The following GTF3C3 variants were observed in gnomAD, a reference collection of about 807,000 sequenced individuals.
GTF3C3 encodes general transcription factor 3C polypeptide 3.
GTF3C3 carries 75 observed loss-of-function variants against 105.2 expected under a neutral mutation model. The observed-to-expected ratio is 0.71, with a 90% confidence interval of 0.59 to 0.86. The LOEUF is 0.86. GTF3C3 is among the 40% of genes least tolerant of loss of function. GTF3C3 has a pLI of 0.00. For missense variants in GTF3C3, 856 were observed against 1,076.5 expected, an observed-to-expected ratio of 0.80 and a Z score of 2.87; for synonymous variants, 335 against 370.4, an observed-to-expected ratio of 0.90 and a Z score of 1.10.
In GTF3C3 at chr2:196,766,429, A is replaced by G. The variant is rs1290797785; in HGVS notation, c.2538+136T>C. On this transcript the variant is annotated intron_variant, in intron 17 of 17. Transcript: ENST00000263956. The stretch of plus-strand genomic sequence containing the variant: ...GTCGAAGTGGTACCTGTTCCTGAAC[A>G]TAATTACGTAAACATACTGAATAAG... 10 of 639,008 alleles carry G rather than the reference A, an allele frequency of 1.6e-5. 1 individual carries two copies. The South Asian group carries it at 2.0e-4, about 13-fold the overall frequency. The allele number at this position is 639,008 out of a possible 1,614,324, so 39.6% of individuals were successfully genotyped here.
chr2:196,784,926 TTATC>T lies in GTF3C3; in HGVS notation c.1042-1_1044del. The stretch of plus-strand genomic sequence containing the variant: ...AGCACAATTCCAGAAAAATCTGTAA[TTATC>T]TAAAAGAATGGGAAAGAAGAAAGGA... On this transcript the variant is annotated splice_acceptor_variant and coding_sequence_variant, in exon 8 of 18. Transcript: ENST00000263956. LOFTEE classifies it high-confidence loss of function. 6.3e-7 allele frequency: 1 copy of T among 1,591,344 alleles called. No individual in the cohort carries two copies. The highest frequency in any genetic ancestry group is 8.6e-7 in the Non-Finnish European group (1 of 1,161,014).
At chr2:196,790,207 T>C (rs1399739889) in intron 4 of GTF3C3, 137 bp from the exon 5 acceptor site, 1 of 472,164 alleles carries the variant, frequency 2.1e-6, no homozygotes, top group East Asian at 3.4e-5. Flanking sequence ...TTATACAAAC[T>C]GCTTAAGGCA....
At chr2:196,794,499 A>G (rs1279034983) in intron 2 of GTF3C3, among the ~76,000 whole-genome samples, 1 of 152,146 alleles carries the variant, frequency 6.6e-6, no homozygotes, top group Non-Finnish European at 1.5e-5. Context: ...CAATGGCGCA[A>G]TCTCAGCTCA....
chr2:196,780,147 A>G (rs1699321488), intron 9 of GTF3C3: 1 of 339,960 alleles, frequency 2.9e-6, no homozygotes, highest in Non-Finnish European at 4.2e-6. Context: ...ATCCCAACCC[A>G]TGAGGGTATG....
At chr2:196,778,393 G>A (rs956334300) in intron 10 of GTF3C3, 10 of 152,478 alleles carry the variant, frequency 6.6e-5, no homozygotes, top group African/African-American at 2.4e-4. Flanking sequence ...AAAAGATTTA[G>A]TCATGTTTCT....
At chr2:196,789,424 G>C in intron 5 of GTF3C3, 55 bp from the exon 6 acceptor site, 1 of 1,224,196 alleles carries the variant, frequency 8.2e-7, no homozygotes, top group Non-Finnish European at 1.1e-6. Context: ...ATGGTACCTG[G>C]GTGTGATCCA....
At chr2:196,777,363 G>A (rs902699451) in intron 10 of GTF3C3, among the ~76,000 whole-genome samples, 3 of 152,122 alleles carry the variant, frequency 2.0e-5, no homozygotes, top group African/African-American at 7.2e-5. Flanking sequence ...ATTAGTTCCT[G>A]AGTATAAGTT....
intron 14 of GTF3C3, among the ~76,000 whole-genome samples, 157 bp from the exon 15 acceptor site, chr2:196,772,095 C>A (rs1699184893): frequency 6.6e-6 from 1 of 152,204 alleles, no homozygotes. Flanking sequence ...CAAAACTCTC[C>A]TACGCAATAA....
intron 2 of GTF3C3, among the ~76,000 whole-genome samples, chr2:196,794,249 C>G (rs1320145478): frequency 6.6e-6 from 1 of 152,062 alleles, no homozygotes; most frequent in Non-Finnish European, 1.5e-5. Flanking sequence ...CTCAGCCTCC[C>G]TAACTATAAG....
chr2:196,796,911 C>A (rs982285514), intron 2 of GTF3C3, among the ~76,000 whole-genome samples: 1 of 152,186 alleles, frequency 6.6e-6, no homozygotes, highest in African/African-American at 2.4e-5. Context: ...AACTGTAACC[C>A]CCAGTTTTCC....
chr2:196,799,591 T>C lies in GTF3C3; in HGVS notation c.21A>G (p.Glu7=), dbSNP rs942946321. MSGFSP[E]LIDYLEGKIS... is the part of the protein sequence containing the mutation. ...TTTTCCCTTCCAAGTAGTCGATGAG[T>C]TCCGGACTGAACCCTGACATGTTTA... Residue 7 remains glutamate (E), a synonymous_variant, in exon 1 of 18, where the codon GAA becomes GAG. Transcript: ENST00000263956. 8 of 1,613,510 alleles carry C rather than the reference T, an allele frequency of 5.0e-6. No homozygotes were observed. Among genetic ancestry groups the C allele is most frequent in the Non-Finnish European group, 5.9e-6 (7 of 1,179,622 alleles).
chr2:196,780,516 G>A (rs1699330352), intron 9 of GTF3C3, 43 bp downstream of exon 9: 2 of 1,586,472 alleles, frequency 1.3e-6, no homozygotes, highest in East Asian at 2.2e-5. Flanking sequence ...AAGAGATGGT[G>A]CATTTGATCT....
chr2:196,795,742 C>T (rs2125752702), intron 2 of GTF3C3, among the ~76,000 whole-genome samples: 1 of 152,232 alleles, frequency 6.6e-6, no homozygotes, highest in East Asian at 1.9e-4. Context: ...AAGAATGAGA[C>T]AAAGTTGCCT....
intron 16 of GTF3C3, 131 bp downstream of exon 16, chr2:196,769,784 G>T: frequency 1.5e-6 from 1 of 682,454 alleles, no homozygotes; most frequent in Non-Finnish European, 2.5e-6. Context: ...TGGGGTAAGT[G>T]TTGGGGACCC....
Position 196,771,746 on chromosome 2 carries a change from AC to A in GTF3C3, c.2260+1del. On this transcript the variant is annotated splice_donor_variant, in intron 15 of 17. Transcript: ENST00000263956. LOFTEE classifies it high-confidence loss of function. The stretch of plus-strand genomic sequence containing the variant: ...GACAAAGTCACGTGCCAGGACACTT[AC>A]CAAGCGCATGCTTAAAACTACCAGA... 1 of 1,601,040 alleles carries A rather than the reference AC, an allele frequency of 6.2e-7. No individual in the cohort carries two copies.
Position 196,776,401 on chromosome 2 carries a change from A to T in GTF3C3, c.1593+26T>A. ...TCTAAAATATAATATACCAAGAAAAACTTCCCTCTATGTGACATGGCCCAC... is the reference window on the plus strand; with the variant it reads ...TCTAAAATATAATATACCAAGAAAATCTTCCCTCTATGTGACATGGCCCAC... On this transcript the variant is annotated intron_variant, in intron 11 of 17. Coordinates refer to ENST00000263956, the MANE Select transcript of GTF3C3 (RefSeq NM_012086.5). This position sits in a 1 kb window ranked among gnomAD's most constrained non-coding sequence, Gnocchi z 4.5. 1 of 1,578,842 alleles carries T rather than the reference A, an allele frequency of 6.3e-7. No homozygotes were observed. The highest frequency in any genetic ancestry group is 8.7e-7 in the Non-Finnish European group (1 of 1,151,138).
intron 7 of GTF3C3, among the ~76,000 whole-genome samples, chr2:196,785,134 T>G (rs1699434580): frequency 6.6e-6 from 1 of 152,102 alleles, no homozygotes; most frequent in Non-Finnish European, 1.5e-5. Flanking sequence ...TATAACTTCT[T>G]TATATCAAAC....
chr2:196,763,125 G>A lies in GTF3C3; in HGVS notation c.*1438C>T, dbSNP rs1483762385. The A allele has an allele frequency of 6.6e-6, 1 of 152,142 alleles. No homozygotes were observed. The highest frequency in any genetic ancestry group is 1.5e-5 in the Non-Finnish European group (1 of 68,020). The allele number at this position is 152,142 out of a possible 1,614,324, so 9.4% of individuals were successfully genotyped here. A position where few individuals can be genotyped will look rare whatever the true frequency, so the allele number is the denominator to read the frequency against. ...CTTGCAGTTCCCTGAGAGAATCAGA[G>A]ATAACATATCCAAAGTGTTTAGCAC... On this transcript the variant is annotated 3_prime_UTR_variant, in exon 18 of 18. Coordinates refer to ENST00000263956, the MANE Select transcript of GTF3C3 (RefSeq NM_012086.5).
chr2:196,793,003 A>G lies in GTF3C3; in HGVS notation c.364T>C (p.Phe122Leu), dbSNP rs1262320613. 1.9e-6 allele frequency: 3 copies of G among 1,613,898 alleles called. No homozygotes were observed. The African/African-American group carries it at 4.0e-5, about 22-fold the overall frequency. ...CGATTGAGAACCATCTCCAATACAA[A>G]TACATCGCCCGCAGTGGGTTGCTCA... ...TPEQPTAGDVFVLEMVLNRET... is the reference protein window; with the variant it reads ...TPEQPTAGDVLVLEMVLNRET... Residue 122 changes from phenylalanine to leucine, a missense_variant, in exon 3 of 18, where the codon TTT (phenylalanine) becomes CTT (leucine). By Grantham distance (22) the Phe-to-Leu change is conservative (BLOSUM62 0). Coordinates refer to ENST00000263956, the MANE Select transcript of GTF3C3 (RefSeq NM_012086.5).
Sources: allele counts gnomAD v4.1 joint callset (sites outside exome capture counted in the v4.1 genomes callset), GRCh38; gene constraint gnomAD v4.1.1; non-coding constraint Gnocchi (gnomAD v3.1); transcripts MANE v1.5; gene names NCBI Gene and HGNC (gene_info 2026-07-23, HGNC 2026-07-21).